KHDRBS3: variants seen among roughly 807,000 people sequenced by gnomAD.
KHDRBS3 encodes KH domain-containing, RNA-binding, signal transduction-associated protein 3.
Under a neutral mutation model 45.6 loss-of-function variants are expected in KHDRBS3, and 23 were observed. The ratio of observed to expected loss-of-function variants is 0.50; its 90% CI spans 0.36 to 0.72. The LOEUF (loss-of-function observed/expected upper bound fraction) is 0.72, where lower values mean the gene tolerates loss of function less well. KHDRBS3 is among the 30% of genes least tolerant of loss of function. The pLI is 0.00. For synonymous variants in KHDRBS3, 162 were observed against 156.5 expected (o/e 1.04, Z -0.26); for missense variants, 352 against 424.8 (o/e 0.83, Z 1.51).
chr8:135,614,286 T>G (rs1314504792), intron 7 of KHDRBS3, among the ~76,000 whole-genome samples: 1 of 151,786 alleles, frequency 6.6e-6, no homozygotes. Flanking sequence ...TCAAAACGAA[T>G]GGGTGATAAT....
At chr8:135,629,180 G>C (rs948669547) in intron 7 of KHDRBS3, among the ~76,000 whole-genome samples, 1 of 152,236 alleles carries the variant, frequency 6.6e-6, no homozygotes, top group Non-Finnish European at 1.5e-5. Context: ...TGGCAAACCT[G>C]TGTTAGCATT....
chr8:135,502,560 A>G (rs1032668151), intron 1 of KHDRBS3, among the ~76,000 whole-genome samples: 10 of 152,224 alleles, frequency 6.6e-5, no homozygotes, highest in African/African-American at 2.4e-4. Context: ...TTTATACTTT[A>G]CATTGTGAGT....
At chr8:135,551,724 G>T (rs1269516153) in intron 4 of KHDRBS3, among the ~76,000 whole-genome samples, 1 of 152,002 alleles carries the variant, frequency 6.6e-6, no homozygotes, top group Non-Finnish European at 1.5e-5. Flanking sequence ...TATTTTTCTG[G>T]AGTCTTTTAT....
chr8:135,641,023 A>G (rs946744867), intron 7 of KHDRBS3, among the ~76,000 whole-genome samples: 1 of 152,188 alleles, frequency 6.6e-6, no homozygotes, highest in African/African-American at 2.4e-5. Flanking sequence ...ACAGTCTTGC[A>G]ATAAATAATC....
chr8:135,458,699 T>G, intron 1 of KHDRBS3: 1 of 368,476 alleles, frequency 2.7e-6, no homozygotes. Context: ...TTGGGTTGGG[T>G]GACCCTCATT....
intron 7 of KHDRBS3, among the ~76,000 whole-genome samples, chr8:135,618,782 C>T (rs1830020578): frequency 2.0e-5 from 3 of 152,162 alleles, no homozygotes; most frequent in Admixed American, 6.5e-5. Flanking sequence ...TGTGATCTTT[C>T]ACTAACCCTC....
intron 1 of KHDRBS3, among the ~76,000 whole-genome samples, chr8:135,485,327 AG>A (rs1396247879): frequency 6.6e-6 from 1 of 152,216 alleles, no homozygotes; most frequent in Non-Finnish European, 1.5e-5. Context: ...GGATGAGACA[AG>A]AAAAATTACA....
chr8:135,546,926 C>T (rs1826334908), intron 3 of KHDRBS3, among the ~76,000 whole-genome samples: 3 of 152,074 alleles, frequency 2.0e-5, no homozygotes, highest in Admixed American at 2.0e-4. Flanking sequence ...CCTCTCTGTC[C>T]AGCTTAAGTT....
intron 1 of KHDRBS3, among the ~76,000 whole-genome samples, chr8:135,462,498 T>C (rs1821482986): frequency 6.6e-6 from 1 of 152,160 alleles, no homozygotes; most frequent in African/African-American, 2.4e-5. Flanking sequence ...AATTTTCGGT[T>C]TGTAGATGCC....
chr8:135,474,687 C>A (rs932018256), intron 1 of KHDRBS3, among the ~76,000 whole-genome samples: 2 of 152,086 alleles, frequency 1.3e-5, no homozygotes, highest in Non-Finnish European at 2.9e-5. Flanking sequence ...AATGCTTTTT[C>A]TTTTTTCAAG....
rs1001415673 is a variant in KHDRBS3 at position 135,533,130 on chromosome 8, A to G, written c.208-9524A>G. 2.6e-5 allele frequency among the ~76,000 whole-genome samples: 4 copies of G among 152,160 alleles called. No homozygotes were observed. In the East Asian group the frequency reaches 7.7e-4, roughly 29 times the overall value. ...TTGCTTTCAGTGTACTGGGGCATAC[A>G]GCTATTTATATGTGCCTGGTTGCAG... On this transcript the variant is annotated intron_variant, in intron 2 of 8. Coordinates refer to ENST00000355849, the MANE Select transcript of KHDRBS3 (RefSeq NM_006558.3).
At chr8:135,566,328 A>G (rs1827410947) in intron 5 of KHDRBS3, among the ~76,000 whole-genome samples, 1 of 152,202 alleles carries the variant, frequency 6.6e-6, no homozygotes, top group African/African-American at 2.4e-5. Context: ...ATATAAATGT[A>G]ACGTTAAAGT....
intron 2 of KHDRBS3, chr8:135,542,055 A>G (rs1289333762): frequency 6.6e-6 from 1 of 152,184 alleles, no homozygotes; most frequent in Non-Finnish European, 1.5e-5. Context: ...TTAATTCATT[A>G]CTATTCTGCT....
At chr8:135,512,905 A>C (rs1220690307) in intron 1 of KHDRBS3, among the ~76,000 whole-genome samples, 1 of 152,184 alleles carries the variant, frequency 6.6e-6, no homozygotes, top group Non-Finnish European at 1.5e-5. Flanking sequence ...GTGAAGGGGA[A>C]GTTGATGTTT....
At chr8:135,523,963 G>A (rs1010820714) in intron 2 of KHDRBS3, among the ~76,000 whole-genome samples, 9 of 151,986 alleles carry the variant, frequency 5.9e-5, no homozygotes, top group African/African-American at 2.2e-4. Context: ...TATATTATCT[G>A]TTTTATATAG....
chr8:135,469,537 T>TG (rs1821898683), intron 1 of KHDRBS3, among the ~76,000 whole-genome samples: 2 of 130,726 alleles, frequency 1.5e-5, no homozygotes, highest in African/African-American at 5.9e-5. Flanking sequence ...TTTTTTTTTT[T>TG]TTTTTTTTTT....
chr8:135,607,958 A>G (rs1429354781), intron 7 of KHDRBS3, among the ~76,000 whole-genome samples: 2 of 152,298 alleles, frequency 1.3e-5, no homozygotes, highest in African/African-American at 4.8e-5. Context: ...GTAAGTTTTG[A>G]GTAGCCTTCA....
At chr8:135,460,505 C>G (rs10110322) in intron 1 of KHDRBS3, among the ~76,000 whole-genome samples, 6,646 of 152,250 alleles carry the variant, frequency 0.044, 455 homozygotes, top group African/African-American at 0.14. Context: ...CTCAGGTCTT[C>G]TGTCTCTGAA....
At chr8:135,560,477 C>A (rs1282675265) in intron 5 of KHDRBS3, among the ~76,000 whole-genome samples, 1 of 152,170 alleles carries the variant, frequency 6.6e-6, no homozygotes, top group East Asian at 1.9e-4. Flanking sequence ...TGTGGAGAAT[C>A]GAGCACATCC....
Sources: allele counts gnomAD v4.1 joint callset (sites outside exome capture counted in the v4.1 genomes callset), GRCh38; gene constraint gnomAD v4.1.1; transcripts MANE v1.5; gene names NCBI Gene and HGNC (gene_info 2026-07-23, HGNC 2026-07-21).